Variants in CFAP57 observed in about 807,000 individuals in gnomAD.
CFAP57 encodes the protein cilia- and flagella-associated protein 57.
A neutral mutation model predicts 146.8 loss-of-function variants in CFAP57; 116 were observed. The observed-to-expected ratio is 0.79, with a 90% CI of 0.68 to 0.92. The LOEUF (loss-of-function observed/expected upper bound fraction) is 0.92. Among genes scored for constraint, CFAP57 ranks in the 40% least tolerant of loss-of-function variants. The pLI, the probability that CFAP57 is intolerant of heterozygous loss-of-function variation, is 0.00. For missense variants in CFAP57, 1,377 were observed against 1,527.2 expected (o/e 0.90, Z 1.64); for synonymous variants, 518 against 552.8 (o/e 0.94, Z 0.88).
chr1:43,181,602 G>C lies in CFAP57; in HGVS notation c.226G>C (p.Glu76Gln). 6.2e-7 allele frequency: 1 copy of C among 1,614,180 alleles called. No individual in the cohort carries two copies. The highest frequency in any genetic ancestry group is 8.5e-7 in the Non-Finnish European group (1 of 1,180,026). ...CAATCGGCGGTACCTCGCTATCTCT[G>C]AGACTGTGCAAGAAAAACCTGCCAT... Reference protein sequence around the residue: ...SPNRRYLAISETVQEKPAITI... With the variant: ...SPNRRYLAISQTVQEKPAITI... The change falls in exon 3 of 23, where the codon GAG becomes CAG. Residue 76 changes from glutamate (E) to glutamine (Q), a missense_variant. Physicochemically the swap from Glu to Gln is conservative, Grantham distance 29 (BLOSUM62 2). Transcript: ENST00000372492.
At chr1:43,219,023 A>AGTGCAAGATC (rs1198825103) in intron 12 of CFAP57, among the ~76,000 whole-genome samples, 1 of 152,246 alleles carries the variant, frequency 6.6e-6, no homozygotes, top group East Asian at 1.9e-4. Context: ...ATCTAAGGAA[A>AGTGCAAGATC]TAAGAAGTAG....
chr1:43,216,896 A>C (rs541608023), intron 12 of CFAP57, among the ~76,000 whole-genome samples: 5 of 152,348 alleles, frequency 3.3e-5, no homozygotes, highest in Non-Finnish European at 5.9e-5. Flanking sequence ...AAAAGACATA[A>C]AGCATCCTTT....
In CFAP57 at chr1:43,229,156, G is replaced by A. The variant is rs190384639; in HGVS notation, c.3009+2030G>A. 9.4e-5 allele frequency among the ~76,000 whole-genome samples: 14 copies of A among 149,150 alleles called. 1 individual carries two copies. The East Asian group carries it at 2.9e-3, about 31-fold the overall frequency. On this transcript the variant is annotated intron_variant, in intron 18 of 22. Transcript: ENST00000372492. ...AGGGCCAGCACACCACAGGCCCCTG[G>A]AAATCACTGCCCCCTTTCTCCTTCC...
Position 43,220,915 on chromosome 1 carries a change from G to A in CFAP57, c.2248-457G>A, listed in dbSNP as rs1000432006. Among the ~76,000 whole-genome samples the A allele has an allele frequency of 1.1e-4, 17 of 152,118 alleles. No homozygotes were observed. The South Asian group carries it at 1.2e-3, about 11-fold the overall frequency. ...ATTTGGTGCTCTATATAAGCCAGGC[G>A]CAAAGTTAGGTCCTGAAGATGGCAC... On this transcript the variant is annotated intron_variant, in intron 13 of 22. Coordinates refer to ENST00000372492, the MANE Select transcript of CFAP57 (RefSeq NM_001378189.1).
At chr1:43,210,020 CTT>C (rs1296609715) in intron 11 of CFAP57, 104 bp downstream of exon 11, 1 of 1,613,606 alleles carries the variant, frequency 6.2e-7, no homozygotes, top group Non-Finnish European at 8.5e-7. Flanking sequence ...CTTCTTCTCT[CTT>C]ATTTATTCAT....
intron 9 of CFAP57, among the ~76,000 whole-genome samples, chr1:43,202,515 A>T (rs976092747): frequency 2.0e-5 from 3 of 151,864 alleles, no homozygotes; most frequent in Non-Finnish European, 4.4e-5. Context: ...GGGCGCAGTC[A>T]CTCACGCCTG....
At chr1:43,205,640 A>G (rs1644327596) in intron 9 of CFAP57, among the ~76,000 whole-genome samples, 1 of 152,200 alleles carries the variant, frequency 6.6e-6, no homozygotes, top group South Asian at 2.1e-4. Flanking sequence ...GTTTCTTCCA[A>G]CAAGTGACAA....
intron 6 of CFAP57, among the ~76,000 whole-genome samples, chr1:43,189,086 A>T (rs1643337893): frequency 6.6e-6 from 1 of 152,202 alleles, no homozygotes; most frequent in African/African-American, 2.4e-5. Flanking sequence ...AGGACTTCCA[A>T]TTCTGTTCCA....
At position 43,229,255 on chromosome 1, in the gene CFAP57, C is replaced by T. The variant is rs1236898517; in HGVS notation, c.3009+2129C>T. Among the ~76,000 whole-genome samples, 5 of 149,100 alleles carry T rather than the reference C, an allele frequency of 3.4e-5. 1 individual carries two copies. Among genetic ancestry groups the T allele is most frequent in the African/African-American group, 1.3e-4 (5 of 39,992 alleles). On this transcript the variant is annotated intron_variant, in intron 18 of 22. Coordinates refer to ENST00000372492, the MANE Select transcript of CFAP57 (RefSeq NM_001378189.1). ...CTAATGGTCAGCTTACTTTCCCCAC[C>T]AGCACACCTGGGGGGACCATTCATC...
At chr1:43,195,721 C>T (rs568645513) in intron 6 of CFAP57, among the ~76,000 whole-genome samples, 5 of 152,078 alleles carry the variant, frequency 3.3e-5, no homozygotes, top group East Asian at 1.9e-4. Context: ...TTAAAAATTT[C>T]GTGTTGAGAA....
intron 2 of CFAP57, among the ~76,000 whole-genome samples, chr1:43,175,344 A>T (rs1228705222): frequency 6.6e-6 from 1 of 151,876 alleles, no homozygotes; most frequent in Non-Finnish European, 1.5e-5. Flanking sequence ...ATACATATAG[A>T]TACAGACACA....
chr1:43,207,746 T>C (rs1178076034), intron 10 of CFAP57, among the ~76,000 whole-genome samples: 2 of 152,206 alleles, frequency 1.3e-5, no homozygotes, highest in African/African-American at 4.8e-5. Flanking sequence ...AAACATGGGC[T>C]GTGCGCTCCT....
At chr1:43,229,680 C>A (rs1645392525) in intron 18 of CFAP57, among the ~76,000 whole-genome samples, 1 of 148,606 alleles carries the variant, frequency 6.7e-6, no homozygotes, top group Non-Finnish European at 1.5e-5. Context: ...CGAGGCTTGT[C>A]GTTTTAGTTT....
rs905046394 is a variant in CFAP57, at chr1:43,219,399, G to A, written c.2109G>A (p.Glu703=). ...DMEEKAQVML[E]LKTRVEELKM... is the part of the protein sequence containing the mutation. ...TCCCAAAGGCTCAGGTTATGTTGGA[G>A]CTAAAGACTCGTGTGGAGGAATTAA... is the stretch of plus-strand genomic sequence containing the variant. Residue 703 remains glutamate (E), a synonymous_variant, in exon 13 of 23, where the codon GAG becomes GAA. Coordinates refer to ENST00000372492, the MANE Select transcript of CFAP57 (RefSeq NM_001378189.1). The A allele has an allele frequency of 4.5e-6, 7 of 1,550,426 alleles. No homozygotes were observed. Among genetic ancestry groups the A allele is most frequent in the Non-Finnish European group, 5.2e-6 (6 of 1,146,890 alleles).
At chr1:43,184,988 G>T in intron 4 of CFAP57, 161 bp from the exon 5 acceptor site, 1 of 744,198 alleles carries the variant, frequency 1.3e-6, no homozygotes. Flanking sequence ...TGTGCAGTTT[G>T]TGTACGGTTC....
At chr1:43,194,845 C>A (rs1643760057) in intron 6 of CFAP57, 1 of 152,104 alleles carries the variant, frequency 6.6e-6, no homozygotes, top group Non-Finnish European at 1.5e-5. Context: ...TGATGCATAT[C>A]ATTTCTACCT....
At chr1:43,230,238 G>A (rs768163905) in intron 18 of CFAP57, among the ~76,000 whole-genome samples, 2 of 152,082 alleles carry the variant, frequency 1.3e-5, no homozygotes, top group South Asian at 4.1e-4. Flanking sequence ...CATGATCTTC[G>A]GGAGCCCCGC....
intron 21 of CFAP57, among the ~76,000 whole-genome samples, chr1:43,236,236 T>G (rs1645682929): frequency 6.8e-6 from 1 of 147,060 alleles, no homozygotes; most frequent in African/African-American, 2.5e-5. Context: ...CTGCAGGGAG[T>G]AAGAAGGGGC....
At chr1:43,246,859 CT>C (rs1646130862) in intron 22 of CFAP57, among the ~76,000 whole-genome samples, 1 of 152,266 alleles carries the variant, frequency 6.6e-6, no homozygotes, top group African/African-American at 2.4e-5. Flanking sequence ...AAAGTCTCAC[CT>C]TTTTTATTAC....
Sources: gnomAD v4.1 joint callset for allele counts (sites outside exome capture counted in the v4.1 genomes callset) on GRCh38, gnomAD v4.1.1 for gene constraint, MANE v1.5 for transcripts, NCBI Gene and HGNC (gene_info 2026-07-23, HGNC 2026-07-21) for gene names.